Variants in MPPED2 observed in about 807,000 individuals in gnomAD.
MPPED2 encodes metallophosphoesterase domain containing 2.
A neutral mutation model predicts 33.0 loss-of-function variants in MPPED2; 5 were observed. The observed-to-expected ratio is 0.15, with a 90% CI of 0.08 to 0.32. MPPED2 has a LOEUF of 0.32. Ranked by LOEUF, MPPED2 falls within the 10% of genes least tolerant of loss-of-function variation. The probability of loss-of-function intolerance (pLI) is 1.00; values close to 1 mark genes in which losing one functional copy is unlikely to be tolerated. For missense variants in MPPED2, 275 were observed against 372.1 expected, an observed-to-expected ratio of 0.74 and a Z score of 2.15; for synonymous variants, 136 against 141.9, an observed-to-expected ratio of 0.96 and a Z score of 0.29.
chr11:30,477,540 A>G (rs540641444), intron 4 of MPPED2, among the ~76,000 whole-genome samples: 1 of 151,926 alleles, frequency 6.6e-6, no homozygotes, highest in African/African-American at 2.4e-5. Context: ...CTTTACACCC[A>G]TCTTGTATTC....
intron 4 of MPPED2, among the ~76,000 whole-genome samples, chr11:30,433,743 T>C (rs180861104): frequency 5.9e-5 from 9 of 152,300 alleles, no homozygotes; most frequent in East Asian, 1.9e-4. Context: ...GCAACAGAGA[T>C]AGATAGAAAA....
chr11:30,547,073 G>A (rs762811747), intron 2 of MPPED2, among the ~76,000 whole-genome samples: 16 of 152,136 alleles, frequency 1.1e-4, no homozygotes, highest in Non-Finnish European at 1.9e-4. Flanking sequence ...TTTTCACAGG[G>A]TTTGTATATC....
At chr11:30,470,255 AT>A (rs763590967) in intron 4 of MPPED2, among the ~76,000 whole-genome samples, 4 of 152,142 alleles carry the variant, frequency 2.6e-5, no homozygotes, top group Non-Finnish European at 5.9e-5. Flanking sequence ...CTGGCCCAGT[AT>A]GGTCAGTCAA....
chr11:30,442,224 C>A (rs1371741632), intron 4 of MPPED2, among the ~76,000 whole-genome samples: 1 of 152,132 alleles, frequency 6.6e-6, no homozygotes, highest in Non-Finnish European at 1.5e-5. Flanking sequence ...AGAGTGGTCT[C>A]CAGACTGAAA....
intron 4 of MPPED2, among the ~76,000 whole-genome samples, chr11:30,475,878 T>C (rs1050311900): frequency 1.3e-5 from 2 of 152,012 alleles, no homozygotes; most frequent in Non-Finnish European, 2.9e-5. Flanking sequence ...TCTGCCTCTA[T>C]CTGTGGATCC....
rs2133749596 is a variant in MPPED2 at position 30,414,232 on chromosome 11, A to G, written c.762T>C (p.His254=). The G allele has an allele frequency of 6.2e-7, 1 of 1,610,860 alleles. No individual in the cohort carries two copies. Among genetic ancestry groups the G allele is most frequent in the Non-Finnish European group, 8.5e-7 (1 of 1,177,094 alleles). Residue 254 remains histidine, a synonymous_variant, in exon 6 of 7, where the codon CAT becomes CAC. Coordinates refer to ENST00000358117, the MANE Select transcript of MPPED2 (RefSeq NM_001584.3). ...ATTCTTTTCCGCTGTTCTTACCTTC[A>G]TGGATTCCACCAAACACATGGAGCT... The part of the protein sequence containing the change: ...RPKLHVFGGI[H]EGYGIMTDGY...
chr11:30,426,394 T>C (rs1384270610), intron 4 of MPPED2, among the ~76,000 whole-genome samples: 2 of 152,236 alleles, frequency 1.3e-5, no homozygotes, highest in African/African-American at 2.4e-5. Context: ...GAATTCATTT[T>C]TTTTATCTAA....
chr11:30,562,425 T>C (rs1164798093), intron 2 of MPPED2, among the ~76,000 whole-genome samples: 4 of 152,182 alleles, frequency 2.6e-5, no homozygotes, highest in African/African-American at 9.6e-5. Flanking sequence ...CTGCTTTCCA[T>C]CACAGGCTGC....
chr11:30,555,242 G>C (rs1476271812), intron 2 of MPPED2, among the ~76,000 whole-genome samples: 11 of 152,140 alleles, frequency 7.2e-5, no homozygotes, highest in African/African-American at 2.7e-4. Context: ...TGACTCTCTT[G>C]CTATAGTGAT....
intron 4 of MPPED2, among the ~76,000 whole-genome samples, chr11:30,463,735 T>G (rs1367202324): frequency 6.6e-6 from 1 of 152,184 alleles, no homozygotes; most frequent in Non-Finnish European, 1.5e-5. Context: ...AGTTTTAAAA[T>G]ATGGAGACAA....
chr11:30,523,392 A>T (rs1953981581), intron 3 of MPPED2, among the ~76,000 whole-genome samples: 1 of 152,162 alleles, frequency 6.6e-6, no homozygotes, highest in Admixed American at 6.5e-5. Flanking sequence ...TATAAGGATG[A>T]CTATCCTTAT....
At chr11:30,463,326 T>C (rs1427782323) in intron 4 of MPPED2, among the ~76,000 whole-genome samples, 1 of 152,222 alleles carries the variant, frequency 6.6e-6, no homozygotes, top group Admixed American at 6.5e-5. Context: ...CATTTGTTAG[T>C]TGGTTTCCTA....
chr11:30,551,254 C>T (rs1955697092), intron 2 of MPPED2, among the ~76,000 whole-genome samples: 1 of 152,184 alleles, frequency 6.6e-6, no homozygotes, highest in African/African-American at 2.4e-5. Context: ...AACATTACCT[C>T]ATCCATTCCT....
rs1957251845 is a variant in MPPED2, at chr11:30,583,134, C to CTTTTTCTTTTTTTTT, written c.-121-2641_-121-2640insAAAAAAAAAGAAAAA. 6.2e-5 allele frequency among the ~76,000 whole-genome samples: 6 copies of CTTTTTCTTTTTTTTT among 96,712 alleles called. 1 individual carries two copies. The highest frequency in any genetic ancestry group is 2.9e-4 in the African/African-American group (6 of 20,682). 63.4% of individuals were successfully genotyped at this position (96,712 alleles called of 152,430 possible). ...CACAAACACCTGGAAAAGACTTTTT[C>CTTTTTCTTTTTTTTT]TTTTTTTTTTTTTTTTTTTTTTTTT... On this transcript the variant is annotated intron_variant, in intron 1 of 6. Transcript: ENST00000358117.
chr11:30,451,389 C>T (rs552833952), intron 4 of MPPED2, among the ~76,000 whole-genome samples: 5 of 152,166 alleles, frequency 3.3e-5, no homozygotes, highest in African/African-American at 1.2e-4. Flanking sequence ...GCTAACCTGG[C>T]CCCCCTGCAG....
At chr11:30,464,268 A>AACACACACAC (rs10660237) in intron 4 of MPPED2, among the ~76,000 whole-genome samples, 8,498 of 145,926 alleles carry the variant, frequency 0.058, 760 homozygotes, top group African/African-American at 0.19. Context: ...AAAGGATACT[A>AACACACACAC]ACACACACAC....
intron 6 of MPPED2, among the ~76,000 whole-genome samples, chr11:30,399,570 T>A (rs1824851737): frequency 6.6e-6 from 1 of 152,254 alleles, no homozygotes; most frequent in African/African-American, 2.4e-5. Flanking sequence ...TCTTCAGAAT[T>A]ATTTTATCCT....
At chr11:30,509,661 T>C (rs1953037665) in intron 3 of MPPED2, among the ~76,000 whole-genome samples, 1 of 152,164 alleles carries the variant, frequency 6.6e-6, no homozygotes, top group South Asian at 2.1e-4. Context: ...TCCATGCTAA[T>C]TTATGTGCAA....
chr11:30,517,314 C>T (rs944107051), intron 3 of MPPED2, among the ~76,000 whole-genome samples: 6 of 152,208 alleles, frequency 3.9e-5, no homozygotes, highest in East Asian at 1.9e-4. Flanking sequence ...TATTGTTAGT[C>T]GGTGTATATC....
Sources: gnomAD v4.1 joint callset for allele counts (sites outside exome capture counted in the v4.1 genomes callset) on GRCh38, gnomAD v4.1.1 for gene constraint, MANE v1.5 for transcripts, NCBI Gene and HGNC (gene_info 2026-07-23, HGNC 2026-07-21) for gene names.